Variants in ARHGAP32 observed in about 807,000 individuals in gnomAD.
ARHGAP32 encodes the protein Rho GTPase activating protein 32, also known as rho GTPase-activating protein 32.
In ARHGAP32, 51 loss-of-function variants were observed where a neutral mutation model predicts 186.5. The observed-to-expected ratio is 0.27, with a 90% CI of 0.22 to 0.35. The LOEUF (loss-of-function observed/expected upper bound fraction) is 0.35. ARHGAP32 is among the 10% of genes least tolerant of loss of function. The probability of loss-of-function intolerance (pLI) is 1.00; values close to 1 mark genes in which losing one functional copy is unlikely to be tolerated. For missense variants in ARHGAP32, 2,186 were observed against 2,623.5 expected, an observed-to-expected ratio of 0.83 and a Z score of 3.64; for synonymous variants, 950 against 964.3, an observed-to-expected ratio of 0.99 and a Z score of 0.27.
intron 5 of ARHGAP32, among the ~76,000 whole-genome samples, 160 bp from the exon 6 acceptor site, chr11:129,093,867 T>C (rs1327553567): frequency 6.6e-6 from 1 of 152,182 alleles, no homozygotes; most frequent in Admixed American, 6.5e-5. Context: ...GGCAGATGAA[T>C]GAAGGACTTG....
intron 1 of ARHGAP32, among the ~76,000 whole-genome samples, chr11:129,229,031 GA>G (rs1591707332): frequency 1.3e-5 from 2 of 152,056 alleles, no homozygotes; most frequent in African/African-American, 4.8e-5. Flanking sequence ...AGAACAAGGG[GA>G]AAAAAGTTAA....
intron 10 of ARHGAP32, among the ~76,000 whole-genome samples, chr11:129,054,810 C>T (rs1591571796): frequency 6.6e-6 from 1 of 152,256 alleles, no homozygotes; most frequent in East Asian, 1.9e-4. Flanking sequence ...ACACAGATTT[C>T]AAAATTTCAA....
intron 6 of ARHGAP32, among the ~76,000 whole-genome samples, chr11:129,078,161 C>T (rs943725713): frequency 5.3e-5 from 8 of 152,106 alleles, no homozygotes; most frequent in African/African-American, 1.4e-4. Context: ...AGCACCAGCC[C>T]GGAGCCTGGT....
At chr11:129,004,787 C>T (rs986394204) in intron 11 of ARHGAP32, among the ~76,000 whole-genome samples, 3 of 152,138 alleles carry the variant, frequency 2.0e-5, no homozygotes, top group Admixed American at 6.5e-5. Flanking sequence ...TTCCTATAGG[C>T]GACAGGCCAC....
chr11:129,163,236 T>A (rs1299082026), intron 2 of ARHGAP32, among the ~76,000 whole-genome samples: 1 of 152,174 alleles, frequency 6.6e-6, no homozygotes, highest in Non-Finnish European at 1.5e-5. Context: ...TCATTACAGA[T>A]CAGCACTGAT....
intron 11 of ARHGAP32, among the ~76,000 whole-genome samples, chr11:129,010,751 G>A (rs1938040623): frequency 6.6e-6 from 1 of 152,170 alleles, no homozygotes; most frequent in South Asian, 2.1e-4. Context: ...CTGTGTCAAA[G>A]TAAATATGGC....
intron 2 of ARHGAP32, among the ~76,000 whole-genome samples, chr11:129,135,182 C>A (rs763539227): frequency 5.3e-5 from 8 of 152,054 alleles, no homozygotes; most frequent in Non-Finnish European, 1.0e-4. Flanking sequence ...GAAACTAATT[C>A]TAAAAATGTA....
rs1296221891 is a variant in ARHGAP32 at position 129,041,014 on chromosome 11, T to A, written c.964-5A>T. 3 of 1,584,988 alleles carry A rather than the reference T, an allele frequency of 1.9e-6. No homozygotes were observed. Among genetic ancestry groups the A allele is most frequent in the Non-Finnish European group, 2.6e-6 (3 of 1,163,860 alleles). ...GTGTCCAGGGAAGAGTCCCACCTGA[T>A]GAAAAGCAACAAAGAAAGGATTCTA... On this transcript the variant is annotated splice_region_variant and splice_polypyrimidine_tract_variant and intron_variant, in intron 10 of 22. Transcript: ENST00000682385.
intron 6 of ARHGAP32, among the ~76,000 whole-genome samples, chr11:129,068,558 C>A (rs1015810541): frequency 6.6e-6 from 1 of 152,064 alleles, no homozygotes; most frequent in African/African-American, 2.4e-5. Context: ...CAAATCCTTG[C>A]AATTCTTGGC....
chr11:129,104,828 G>A (rs1024272197), intron 5 of ARHGAP32, among the ~76,000 whole-genome samples: 1 of 152,064 alleles, frequency 6.6e-6, no homozygotes, highest in Non-Finnish European at 1.5e-5. Context: ...ACAGTAAAGG[G>A]TTTAGAATAA....
intron 6 of ARHGAP32, among the ~76,000 whole-genome samples, chr11:129,068,058 C>T (rs1940753516): frequency 6.6e-6 from 1 of 152,014 alleles, no homozygotes; most frequent in African/African-American, 2.4e-5. Context: ...GAACAGTGTC[C>T]TGGTCCCTAT....
chr11:128,986,206 G>A, intron 14 of ARHGAP32, 121 bp from the exon 15 acceptor site: 3 of 765,848 alleles, frequency 3.9e-6, no homozygotes, highest in Non-Finnish European at 4.3e-6. Flanking sequence ...AAATGGCGAG[G>A]AAACACAACA....
chr11:129,161,494 A>G (rs1377584318), intron 2 of ARHGAP32, among the ~76,000 whole-genome samples: 1 of 152,200 alleles, frequency 6.6e-6, no homozygotes. Flanking sequence ...AGCAAAGTAT[A>G]TGAACAGACA....
intron 2 of ARHGAP32, among the ~76,000 whole-genome samples, chr11:129,143,642 T>C (rs186170411): frequency 1.3e-5 from 2 of 152,260 alleles, no homozygotes; most frequent in Non-Finnish European, 2.9e-5. Flanking sequence ...AGAGGAGTGA[T>C]GCTGCCAACA....
chr11:129,081,999 C>T (rs1049858782), intron 6 of ARHGAP32, among the ~76,000 whole-genome samples: 2 of 151,948 alleles, frequency 1.3e-5, no homozygotes, highest in South Asian at 4.2e-4. Context: ...ATCCCTTTTA[C>T]AATAGTTGCA....
chr11:129,003,025 T>C (rs1405800794), intron 11 of ARHGAP32, among the ~76,000 whole-genome samples: 3 of 152,170 alleles, frequency 2.0e-5, no homozygotes, highest in Non-Finnish European at 4.4e-5. Flanking sequence ...CTCGATCTCC[T>C]GACCTCGTGA....
intron 1 of ARHGAP32, among the ~76,000 whole-genome samples, chr11:129,188,524 T>G (rs1001734534): frequency 6.6e-6 from 1 of 152,134 alleles, no homozygotes; most frequent in Non-Finnish European, 1.5e-5. Flanking sequence ...ACTACCTACT[T>G]AGACTGCCAC....
At chr11:129,190,366 T>G (rs1944246905) in intron 1 of ARHGAP32, among the ~76,000 whole-genome samples, 1 of 152,228 alleles carries the variant, frequency 6.6e-6, no homozygotes, top group Non-Finnish European at 1.5e-5. Flanking sequence ...ACCTCTTTGT[T>G]ACATTTGTAA....
At chr11:129,188,035 A>C (rs1944198020) in intron 1 of ARHGAP32, among the ~76,000 whole-genome samples, 1 of 152,128 alleles carries the variant, frequency 6.6e-6, no homozygotes, top group Non-Finnish European at 1.5e-5. Flanking sequence ...AGCTCACTGC[A>C]ATCTCTACCT....
Sources: gnomAD v4.1 joint callset for allele counts (sites outside exome capture counted in the v4.1 genomes callset) on GRCh38, gnomAD v4.1.1 for gene constraint, MANE v1.5 for transcripts, NCBI Gene and HGNC (gene_info 2026-07-23, HGNC 2026-07-21) for gene names.